The following TBCEL variants were observed in gnomAD, a reference collection of about 807,000 sequenced individuals.
The protein encoded by TBCEL is tubulin folding cofactor E like, also known as tubulin-specific chaperone cofactor E-like protein.
TBCEL carries 15 observed loss-of-function variants against 44.2 expected under a neutral mutation model. That is an observed-to-expected ratio of 0.34 (90% CI 0.23 to 0.52). The LOEUF (loss-of-function observed/expected upper bound fraction) is 0.52, where lower values mean the gene tolerates loss of function less well. TBCEL is among the 20% of genes least tolerant of loss of function. The pLI is 0.95. For synonymous variants in TBCEL, 171 were observed against 185.4 expected (o/e 0.92, Z 0.63); for missense variants, 319 against 506.3 (o/e 0.63, Z 3.55).
Position 121,058,826 on chromosome 11 carries a change from A to G in TBCEL, c.839+355A>G, listed in dbSNP as rs12276564. On this transcript the variant is annotated intron_variant, in intron 7 of 8. Transcript: ENST00000683345. ...TATTTTCTCTGTTAACATGTTGATC[A>G]TTTAGATTGTAAATTCCTGAAACTT... Among the ~76,000 whole-genome samples, 1,288 of 152,048 alleles carry G rather than the reference A, an allele frequency of 8.5e-3. 19 individuals are homozygous for G. Among genetic ancestry groups the G allele is most frequent in the African/African-American group, 0.03 (1,233 of 41,522 alleles).
intron 4 of TBCEL, among the ~76,000 whole-genome samples, chr11:121,048,150 C>G (rs1028266892): frequency 6.6e-6 from 1 of 151,802 alleles, no homozygotes; most frequent in Non-Finnish European, 1.5e-5. Context: ...TACTGTTTCA[C>G]TAATTTATAC....
At chr11:121,077,766 G>T (rs961277970) in intron 8 of TBCEL, among the ~76,000 whole-genome samples, 2 of 151,556 alleles carry the variant, frequency 1.3e-5, no homozygotes, top group African/African-American at 4.8e-5. Flanking sequence ...TTTAAGTGCT[G>T]CTTTAAATAC....
At chr11:121,072,710 T>C (rs577834165) in intron 8 of TBCEL, among the ~76,000 whole-genome samples, 1 of 152,200 alleles carries the variant, frequency 6.6e-6, no homozygotes, top group Non-Finnish European at 1.5e-5. Context: ...AAAAAAACTT[T>C]AAAATTTTAA....
chr11:121,078,236 G>T (rs1946064943), intron 8 of TBCEL, among the ~76,000 whole-genome samples: 1 of 152,064 alleles, frequency 6.6e-6, no homozygotes, highest in South Asian at 2.1e-4. Context: ...AACAATAATT[G>T]TGAATTTGTT....
chr11:121,085,289 T>C (rs1484039571), intron 8 of TBCEL, among the ~76,000 whole-genome samples: 4 of 152,074 alleles, frequency 2.6e-5, no homozygotes, highest in African/African-American at 9.7e-5. Context: ...CTGCCCACCA[T>C]GGCCTCCCAA....
chr11:121,064,823 C>G (rs113957129), intron 8 of TBCEL, among the ~76,000 whole-genome samples: 179 of 152,052 alleles, frequency 1.2e-3, no homozygotes, highest in African/African-American at 3.7e-3. Context: ...TACTTATTTT[C>G]TTTTTAATTT....
At chr11:121,050,295 A>G (rs745648386) in intron 4 of TBCEL, among the ~76,000 whole-genome samples, 16 of 151,768 alleles carry the variant, frequency 1.1e-4, no homozygotes, top group Non-Finnish European at 1.6e-4. Flanking sequence ...CTATTAACGG[A>G]ATTTATTTCA....
intron 8 of TBCEL, among the ~76,000 whole-genome samples, chr11:121,084,635 T>C (rs1467955859): frequency 2.0e-5 from 3 of 152,160 alleles, no homozygotes; most frequent in Non-Finnish European, 4.4e-5. Flanking sequence ...ACTTTGACAT[T>C]GTTTCTTTTG....
At chr11:121,048,720 A>G (rs967249411) in intron 4 of TBCEL, among the ~76,000 whole-genome samples, 38 of 152,070 alleles carry the variant, frequency 2.5e-4, no homozygotes, top group African/African-American at 8.4e-4. Context: ...GTCTGACTCT[A>G]TAAGCATGAC....
At chr11:121,081,977 A>G (rs1191356884) in intron 8 of TBCEL, among the ~76,000 whole-genome samples, 2 of 152,220 alleles carry the variant, frequency 1.3e-5, no homozygotes, top group Non-Finnish European at 2.9e-5. Flanking sequence ...ATAAATAAAC[A>G]TTGATTTTAA....
chr11:121,080,581 A>T (rs959542573), intron 8 of TBCEL, among the ~76,000 whole-genome samples: 2 of 152,252 alleles, frequency 1.3e-5, no homozygotes, highest in South Asian at 4.1e-4. Flanking sequence ...CCTAAAAATT[A>T]TGTAAAATAT....
At chr11:121,031,517 T>TAA (rs1356233942) in intron 1 of TBCEL, among the ~76,000 whole-genome samples, 2 of 152,138 alleles carry the variant, frequency 1.3e-5, no homozygotes, top group Non-Finnish European at 2.9e-5. Flanking sequence ...TCCATTTTCC[T>TAA]ATTAGGTTGT....
In TBCEL at chr11:121,087,243, T is replaced by A; in HGVS notation, c.*147T>A. Reference sequence around the variant, plus strand: ...GAAGGATTTTGTATATTTTTCCCCCTGGAGTGAGTAGGGGCCATTTTTGGG... The same window carrying A: ...GAAGGATTTTGTATATTTTTCCCCCAGGAGTGAGTAGGGGCCATTTTTGGG... On this transcript the variant is annotated 3_prime_UTR_variant, in exon 9 of 9. Transcript: ENST00000683345. 1.2e-6 allele frequency: 1 copy of A among 862,978 alleles called. No individual in the cohort carries two copies. Among genetic ancestry groups the A allele is most frequent in the Non-Finnish European group, 1.7e-6 (1 of 579,034 alleles). The allele number at this position is 862,978 out of a possible 1,614,324, so 53.5% of individuals were successfully genotyped here.
chr11:121,059,880 A>G (rs896831142), intron 7 of TBCEL, 89 bp from the exon 8 acceptor site: 1 of 891,022 alleles, frequency 1.1e-6, no homozygotes, highest in African/African-American at 1.7e-5. Context: ...TCAAGAAAAT[A>G]AGACTGGGCC....
At chr11:121,068,370 C>T (rs1945860585) in intron 8 of TBCEL, among the ~76,000 whole-genome samples, 1 of 151,938 alleles carries the variant, frequency 6.6e-6, no homozygotes. Context: ...TCTCCCACAC[C>T]CCACATCTGG....
At chr11:121,044,000 T>C (rs1402904498) in intron 2 of TBCEL, among the ~76,000 whole-genome samples, 1 of 152,106 alleles carries the variant, frequency 6.6e-6, no homozygotes, top group African/African-American at 2.4e-5. Flanking sequence ...CCTGCTTTCT[T>C]GTTAGTTAAT....
intron 8 of TBCEL, among the ~76,000 whole-genome samples, chr11:121,061,772 G>A (rs1481270347): frequency 1.3e-5 from 2 of 152,138 alleles, no homozygotes; most frequent in African/African-American, 4.8e-5. Flanking sequence ...CTGTGGAAGA[G>A]TCAGTGAGTG....
intron 8 of TBCEL, among the ~76,000 whole-genome samples, chr11:121,077,980 C>T (rs936903495): frequency 2.6e-5 from 4 of 151,662 alleles, no homozygotes; most frequent in African/African-American, 7.3e-5. Context: ...AGAGAACGTA[C>T]GTTTTACTAT....
intron 8 of TBCEL, among the ~76,000 whole-genome samples, chr11:121,081,294 T>C (rs1001568588): frequency 6.6e-6 from 1 of 152,206 alleles, no homozygotes; most frequent in African/African-American, 2.4e-5. Flanking sequence ...TAGAAGGTCA[T>C]GGTGGAATGG....
Sources: allele counts gnomAD v4.1 joint callset (sites outside exome capture counted in the v4.1 genomes callset), GRCh38; gene constraint gnomAD v4.1.1; transcripts MANE v1.5; gene names NCBI Gene and HGNC (gene_info 2026-07-23, HGNC 2026-07-21).